PTX3: variants seen among roughly 807,000 people sequenced by gnomAD.
PTX3 encodes the protein pentraxin-related protein PTX3.
PTX3 carries 24 observed loss-of-function variants against 23.5 expected under a neutral mutation model. That is an observed-to-expected ratio of 1.02 (90% confidence interval 0.74 to 1.43). The LOEUF is 1.43. Ranked by LOEUF, PTX3 falls within the 40% of genes most tolerant of loss-of-function variation. The pLI is 0.00. For synonymous variants in PTX3, 218 were observed against 205.4 expected (o/e 1.06, Z -0.53); for missense variants, 510 against 497.5 (o/e 1.02, Z -0.24).
chr3:157,439,619 C>A (rs1004545508), intron 2 of PTX3, among the ~76,000 whole-genome samples: 1 of 152,168 alleles, frequency 6.6e-6, no homozygotes, highest in Admixed American at 6.5e-5. Context: ...ATATAGCCAG[C>A]GTAGCCTAGA....
Position 157,437,647 on chromosome 3 carries a change from C to A in PTX3, c.265C>A (p.Arg89=). The change falls in exon 2 of 3, where the codon CGG becomes AGG. Residue 89 remains arginine (R), a synonymous_variant. Transcript: ENST00000295927. ...CCTGCGGGGCGAGCTGCAGAGGCTG[C>A]GGGAGGAGCTGGGCCGGCTCGCGGA... ...DVLRGELQRL[R]EELGRLAESL... 6.5e-7 allele frequency: 1 copy of A among 1,547,846 alleles called. No homozygotes were observed. The highest frequency in any genetic ancestry group is 8.7e-7 in the Non-Finnish European group (1 of 1,149,094).
rs1008490488 is a variant in PTX3 at position 157,438,031 on chromosome 3, GCGCGCGCACACACACACACA to G, written c.532+119_532+138del. On this transcript the variant is annotated intron_variant, in intron 2 of 2. Coordinates refer to ENST00000295927, the MANE Select transcript of PTX3 (RefSeq NM_002852.4). ...AAGCTTTCATGGGAAGCGCGCGCGCGCGCGCGCACACACACACACACACACACACACACACACACACCCCT... is the reference window on the plus strand; with the variant it reads ...AAGCTTTCATGGGAAGCGCGCGCGCGCACACACACACACACACACACCCCT... The G allele has an allele frequency of 3.7e-6, 3 of 820,208 alleles. No homozygotes were observed. The African/African-American group carries it at 6.4e-5, about 17-fold the overall frequency. 50.8% of individuals were successfully genotyped at this position (820,208 alleles called of 1,614,324 possible).
chr3:157,438,035 GCGCACACACA>G (rs1188166418), intron 2 of PTX3, 121 bp downstream of exon 2: 2 of 701,786 alleles, frequency 2.8e-6, no homozygotes, highest in African/African-American at 5.9e-5. Context: ...GCGCGCGCGC[GCGCACACACA>G]CACACACACA....
In PTX3 at chr3:157,442,834, C is replaced by T. The variant is rs1286959939; in HGVS notation, c.1001C>T (p.Thr334Ile). The T allele has an allele frequency of 1.9e-6, 3 of 1,614,096 alleles. No homozygotes were observed. Among genetic ancestry groups the T allele is most frequent in the African/African-American group, 1.3e-5 (1 of 74,940 alleles). The change falls in exon 3 of 3, where the codon ACA (threonine) becomes ATA (isoleucine). Residue 334 changes from threonine to isoleucine, a missense_variant. By Grantham distance (89) the Thr-to-Ile change is moderately conservative (BLOSUM62 -1). Coordinates refer to ENST00000295927, the MANE Select transcript of PTX3 (RefSeq NM_002852.4). ...ACATTAGCCTTCTCTGGGAGACTCA[C>T]AGGCTTCAATATCTGGGATAGTGTT... ...DETLAFSGRLTGFNIWDSVLS... is the reference protein window; with the variant it reads ...DETLAFSGRLIGFNIWDSVLS...
rs1733782698 is a variant in PTX3, at chr3:157,438,019, A to AAG, written c.532+106_532+107dup. 2.6e-6 allele frequency: 3 copies of AAG among 1,133,532 alleles called. No individual in the cohort carries two copies. The East Asian group carries it at 9.6e-5, about 36-fold the overall frequency. 70.2% of individuals were successfully genotyped at this position (1,133,532 alleles called of 1,614,324 possible). ...ACCTTCTAGGGGAAGCTTTCATGGG[A>AAG]AGCGCGCGCGCGCGCGCGCACACAC... On this transcript the variant is annotated intron_variant, in intron 2 of 2. Coordinates refer to ENST00000295927, the MANE Select transcript of PTX3 (RefSeq NM_002852.4).
rs1553786688 is a variant in PTX3 at position 157,438,037 on chromosome 3, G to GCGCACA, written c.532+124_532+125insGCACAC. The stretch of plus-strand genomic sequence containing the variant: ...TCATGGGAAGCGCGCGCGCGCGCGC[G>GCGCACA]CACACACACACACACACACACACAC... On this transcript the variant is annotated intron_variant, in intron 2 of 2. Coordinates refer to ENST00000295927, the MANE Select transcript of PTX3 (RefSeq NM_002852.4). 3.8e-3 allele frequency: 1,968 copies of GCGCACA among 515,616 alleles called. 7 individuals carry two copies. Among genetic ancestry groups the GCGCACA allele is most frequent in the South Asian group, 0.01 (410 of 40,910 alleles). The allele number at this position is 515,616 out of a possible 1,614,324, so 31.9% of individuals were successfully genotyped here. A position where few individuals can be genotyped will look rare whatever the true frequency, so the allele number is the denominator to read the frequency against.
rs1342934845 is a variant in PTX3 at position 157,442,969 on chromosome 3, A to G, written c.1136A>G (p.Tyr379Cys). The change falls in exon 3 of 3, where the codon TAT (tyrosine) becomes TGT (cysteine). Residue 379 changes from tyrosine (Y) to cysteine (C), a missense_variant. Tyr to Cys is a radical substitution (Grantham distance 194). Transcript: ENST00000295927. ...TEIQPHGGAQ[Y>C]VS ...ATCCAGCCACATGGAGGAGCTCAGT[A>G]TGTTTCATAAATGTTGTGAAACTCC... The G allele has an allele frequency of 5.6e-6, 9 of 1,597,918 alleles. No homozygotes were observed. Among genetic ancestry groups the G allele is most frequent in the Non-Finnish European group, 7.7e-6 (9 of 1,172,072 alleles).
intron 2 of PTX3, among the ~76,000 whole-genome samples, chr3:157,438,587 G>C (rs1484537846): frequency 6.6e-6 from 1 of 152,154 alleles, no homozygotes; most frequent in Non-Finnish European, 1.5e-5. Context: ...GCGTGGAACA[G>C]TCAGGTGTAG....
chr3:157,440,466 C>G (rs1424968118), intron 2 of PTX3, among the ~76,000 whole-genome samples: 1 of 152,086 alleles, frequency 6.6e-6, no homozygotes, highest in African/African-American at 2.4e-5. Flanking sequence ...TTTCTCTTTA[C>G]CAGTTATTCT....
chr3:157,437,480 G>A, intron 1 of PTX3, 33 bp from the exon 2 acceptor site: 1 of 1,583,000 alleles, frequency 6.3e-7, no homozygotes, highest in Non-Finnish European at 8.6e-7. Flanking sequence ...AGGCCTGGGC[G>A]GGCTGCTAAC....
In PTX3 at chr3:157,437,697, G is replaced by C. The variant is rs774167944; in HGVS notation, c.315G>C (p.Pro105=). The C allele has an allele frequency of 2.1e-5, 32 of 1,531,176 alleles. No individual in the cohort carries two copies. The South Asian group carries it at 3.0e-4, about 14-fold the overall frequency. 94.8% of individuals were successfully genotyped at this position (1,531,176 alleles called of 1,614,324 possible). A position where few individuals can be genotyped will look rare whatever the true frequency, so the allele number is the denominator to read the frequency against. The change falls in exon 2 of 3, where the codon CCG becomes CCC. Residue 105 remains proline, a synonymous_variant. Coordinates refer to ENST00000295927, the MANE Select transcript of PTX3 (RefSeq NM_002852.4). ...AAAGCCTGGCGAGGCCGTGCGCGCC[G>C]GGGGCTCCCGCAGAGGCCAGGCTGA... ...LAESLARPCA[P]GAPAEARLTS...
Position 157,441,725 on chromosome 3 carries a change from G to A in PTX3, c.533-641G>A, listed in dbSNP as rs1341669853. Among the ~76,000 whole-genome samples the A allele has an allele frequency of 3.3e-5, 5 of 151,804 alleles. No individual in the cohort carries two copies. The East Asian group carries it at 5.8e-4, about 18-fold the overall frequency. Reference sequence around the variant, plus strand: ...CTCCGGAAGCTGAGGCAGGAGAATCGCTTGAACCTGGGAAGCGAAGGTTGC... The same window carrying A: ...CTCCGGAAGCTGAGGCAGGAGAATCACTTGAACCTGGGAAGCGAAGGTTGC... On this transcript the variant is annotated intron_variant, in intron 2 of 2. Coordinates refer to ENST00000295927, the MANE Select transcript of PTX3 (RefSeq NM_002852.4).
intron 1 of PTX3, 41 bp from the exon 2 acceptor site, chr3:157,437,472 G>T: frequency 6.4e-7 from 1 of 1,574,662 alleles, no homozygotes. Context: ...TCCAAGGCAG[G>T]CCTGGGCGGG....
chr3:157,437,706 C>G lies in PTX3; in HGVS notation c.324C>G (p.Pro108=), dbSNP rs1287026266. 3 of 1,531,588 alleles carry G rather than the reference C, an allele frequency of 2.0e-6. No individual in the cohort carries two copies. The highest frequency in any genetic ancestry group is 1.2e-5 in the South Asian group (1 of 83,230). 94.9% of individuals were successfully genotyped at this position (1,531,588 alleles called of 1,614,324 possible). Residue 108 remains proline (P), a synonymous_variant, in exon 2 of 3, where the codon CCC becomes CCG. Transcript: ENST00000295927. ...SLARPCAPGA[P]AEARLTSALD... Reference sequence around the variant, plus strand: ...CGAGGCCGTGCGCGCCGGGGGCTCCCGCAGAGGCCAGGCTGACCAGTGCTC... The same window carrying G: ...CGAGGCCGTGCGCGCCGGGGGCTCCGGCAGAGGCCAGGCTGACCAGTGCTC...
chr3:157,443,280 G>A lies in PTX3; in HGVS notation c.*301G>A, dbSNP rs1734283659. 2 of 265,634 alleles carry A rather than the reference G, an allele frequency of 7.5e-6. No homozygotes were observed. Among genetic ancestry groups the A allele is most frequent in the East Asian group, 7.0e-5 (1 of 14,238 alleles). The allele number at this position is 265,634 out of a possible 1,614,324, so 16.5% of individuals were successfully genotyped here. A position where few individuals can be genotyped will look rare whatever the true frequency, so the allele number is the denominator to read the frequency against. On this transcript the variant is annotated 3_prime_UTR_variant, in exon 3 of 3. Coordinates refer to ENST00000295927, the MANE Select transcript of PTX3 (RefSeq NM_002852.4). The stretch of plus-strand genomic sequence containing the variant: ...AAAGGACTGTATTGTTGAACAGAGG[G>A]ACAATTGTTTTACTTTTCTTTGGTT...
intron 2 of PTX3, among the ~76,000 whole-genome samples, chr3:157,438,613 G>A (rs566419630): frequency 6.6e-6 from 1 of 152,260 alleles, no homozygotes; most frequent in African/African-American, 2.4e-5. Flanking sequence ...AATCCGTGTA[G>A]GGGATCCCAG....
chr3:157,437,808 AGAG>A lies in PTX3; in HGVS notation c.431_433del (p.Glu144del), dbSNP rs1733748062. On this transcript the variant is annotated inframe_deletion, in exon 2 of 3. Coordinates refer to ENST00000295927, the MANE Select transcript of PTX3 (RefSeq NM_002852.4). Reference sequence around the variant, plus strand: ...TGGAGGGCGCGGAGGCGCAGCGCCCAGAGGAGGCGGGGCGCGCCCTGGCCGCGG... The same window carrying A: ...TGGAGGGCGCGGAGGCGCAGCGCCCAGAGGCGGGGCGCGCCCTGGCCGCGG... 1 of 1,461,852 alleles carries A rather than the reference AGAG, an allele frequency of 6.8e-7. No individual in the cohort carries two copies. 90.6% of individuals were successfully genotyped at this position (1,461,852 alleles called of 1,614,324 possible). A position where few individuals can be genotyped will look rare whatever the true frequency, so the allele number is the denominator to read the frequency against.
Position 157,436,878 on chromosome 3 carries a change from C to G in PTX3, c.-56C>G, listed in dbSNP as rs1397949144. ...CTCACTCTCCTCCGCTCAAACTCAG[C>G]TCACTTGAGAGTCTCCTCCCGCCAG... On this transcript the variant is annotated 5_prime_UTR_variant, in exon 1 of 3. Coordinates refer to ENST00000295927, the MANE Select transcript of PTX3 (RefSeq NM_002852.4). 5 of 1,586,368 alleles carry G rather than the reference C, an allele frequency of 3.2e-6. No individual in the cohort carries two copies. Among genetic ancestry groups the G allele is most frequent in the Non-Finnish European group, 4.3e-6 (5 of 1,163,422 alleles).
rs1197945189 is a variant in PTX3 at position 157,443,515 on chromosome 3, T to C, written c.*536T>C. 6.5e-6 allele frequency: 1 copy of C among 152,852 alleles called. No homozygotes were observed. Among genetic ancestry groups the C allele is most frequent in the Non-Finnish European group, 1.5e-5 (1 of 68,192 alleles). The allele number at this position is 152,852 out of a possible 1,614,324, so 9.5% of individuals were successfully genotyped here. A position where few individuals can be genotyped will look rare whatever the true frequency, so the allele number is the denominator to read the frequency against. ...GAGAAGATAGTCATATAAGTTATAT[T>C]GCAAAAGGGATTTGTATTAATTTAA... On this transcript the variant is annotated 3_prime_UTR_variant, in exon 3 of 3. Transcript: ENST00000295927.
Sources: allele counts gnomAD v4.1 joint callset (sites outside exome capture counted in the v4.1 genomes callset), GRCh38; gene constraint gnomAD v4.1.1; transcripts MANE v1.5; gene names NCBI Gene and HGNC (gene_info 2026-07-23, HGNC 2026-07-21).